Variants in CCDC181 observed in about 807,000 individuals in gnomAD.
CCDC181 encodes coiled-coil domain containing 181.
A neutral mutation model predicts 58.7 loss-of-function variants in CCDC181; 35 were observed. The observed-to-expected ratio is 0.60, with a 90% CI of 0.46 to 0.79. The LOEUF is 0.79. Ranked by LOEUF, CCDC181 falls within the 30% of genes least tolerant of loss-of-function variation. The pLI is 0.00. For synonymous variants in CCDC181, 183 were observed against 197.5 expected (o/e 0.93, Z 0.62); for missense variants, 517 against 583.9 (o/e 0.89, Z 1.18).
chr1:169,431,589 A>G (rs770467104), upstream of CCDC181, among the ~76,000 whole-genome samples: 2 of 152,188 alleles, frequency 1.3e-5, no homozygotes, highest in Non-Finnish European at 2.9e-5. Flanking sequence ...GAGTCTATTA[A>G]AGGCTTGCAA....
chr1:169,432,713 C>T (rs1489946769), intron 2 of CCDC181, among the ~76,000 whole-genome samples: 2 of 152,002 alleles, frequency 1.3e-5, no homozygotes, highest in Non-Finnish European at 2.9e-5. Context: ...AAAATCGATG[C>T]AGTATTCTAC....
chr1:169,453,118 A>G (rs1657588976), intron 2 of CCDC181, among the ~76,000 whole-genome samples: 1 of 152,088 alleles, frequency 6.6e-6, no homozygotes, highest in Non-Finnish European at 1.5e-5. Context: ...AGGAAGATGA[A>G]TCAGCAAAAT....
At chr1:169,451,085 C>A in intron 2 of CCDC181, 1 of 152,008 alleles carries the variant, frequency 6.6e-6, no homozygotes, top group East Asian at 1.9e-4. Flanking sequence ...TGTTGCTGGG[C>A]AGAATGAGTG....
rs983290986 is a variant in CCDC181 at position 169,414,255 on chromosome 1, A to C, written c.1215+4758T>G. ...ATATGAGGGACATTTCATAATGGGAAAAGGTCATTATCAGGAAGACATAAA... is the reference window on the plus strand; with the variant it reads ...ATATGAGGGACATTTCATAATGGGACAAGGTCATTATCAGGAAGACATAAA... On this transcript the variant is annotated intron_variant, in intron 4 of 5. Coordinates refer to ENST00000367806, the MANE Select transcript of CCDC181 (RefSeq NM_001300969.2). 1.6e-4 allele frequency among the ~76,000 whole-genome samples: 25 copies of C among 152,338 alleles called. No individual in the cohort carries two copies. In the South Asian group the frequency reaches 1.7e-3, roughly 10 times the overall value.
chr1:169,395,359 A>C (rs1308506850), intron 5 of CCDC181, among the ~76,000 whole-genome samples, 153 bp from the exon 6 acceptor site: 1 of 152,238 alleles, frequency 6.6e-6, no homozygotes, highest in Non-Finnish European at 1.5e-5. Flanking sequence ...GAAAAATGTA[A>C]AGATTACACC....
Position 169,421,429 on chromosome 1 carries a change from ACAGTATGTTGAAGT to A in CCDC181, c.988_1001del (p.Thr330SerfsTer39), listed in dbSNP as rs1454612555. 11 of 1,613,780 alleles carry A rather than the reference ACAGTATGTTGAAGT, an allele frequency of 6.8e-6. No homozygotes were observed. In the Middle Eastern group the frequency reaches 8.2e-4, roughly 121 times the overall value. The stretch of plus-strand genomic sequence containing the variant: ...GTAGTTCTTTCTGTCGAGGGGAAAG[ACAGTATGTTGAAGT>A]CACTGGTGAGATATGTGCAGACTGT... On this transcript the variant is annotated frameshift_variant, in exon 3 of 6. Coordinates refer to ENST00000367806, the MANE Select transcript of CCDC181 (RefSeq NM_001300969.2). LOFTEE classifies it high-confidence loss of function.
At chr1:169,406,018 T>C (rs968579472) in intron 4 of CCDC181, among the ~76,000 whole-genome samples, 3 of 152,212 alleles carry the variant, frequency 2.0e-5, no homozygotes, top group Admixed American at 6.5e-5. Flanking sequence ...AAAGAAGACA[T>C]TTATGCAGCC....
At position 169,426,521 on chromosome 1, in the gene CCDC181, G is replaced by A. The variant is rs151282055; in HGVS notation, c.-24+767C>T. ...TCCCTGAGTGTCTGGTAAATCCCAT[G>A]TGGATAGGTGAACTGCCGATCTTTC... is the stretch of plus-strand genomic sequence containing the variant. On this transcript the variant is annotated intron_variant, in intron 1 of 5. Coordinates refer to ENST00000367806, the MANE Select transcript of CCDC181 (RefSeq NM_001300969.2). Among the ~76,000 whole-genome samples, 73 of 152,346 alleles carry A rather than the reference G, an allele frequency of 4.8e-4. 1 individual carries two copies. The East Asian group carries it at 0.013, about 26-fold the overall frequency.
At chr1:169,424,505 T>C (rs546774124) in intron 2 of CCDC181, among the ~76,000 whole-genome samples, 4 of 151,974 alleles carry the variant, frequency 2.6e-5, no homozygotes, top group South Asian at 2.1e-4. Flanking sequence ...TTACTTTCGA[T>C]GCAATAAATC....
chr1:169,396,750 A>T (rs959910371), intron 5 of CCDC181, among the ~76,000 whole-genome samples: 3 of 152,156 alleles, frequency 2.0e-5, no homozygotes, highest in Non-Finnish European at 2.9e-5. Context: ...GGTTTGCCTT[A>T]AATTACCAAA....
Position 169,438,776 on chromosome 1 carries a change from A to C in CCDC181, c.-23-13826T>G, listed in dbSNP as rs575431851. Among the ~76,000 whole-genome samples the C allele has an allele frequency of 2.6e-5, 4 of 152,288 alleles. No individual in the cohort carries two copies. The South Asian group carries it at 8.3e-4, about 32-fold the overall frequency. ...GCCTGTTGAGCTTTCTTTAGGGATC[A>C]CCAAATGTGACCAGATAAATAAGGG... On this transcript the variant is annotated intron_variant, in intron 2 of 6. Transcript: ENST00000545005.
chr1:169,431,535 TTGCAC>T (rs1656919220), upstream of CCDC181, among the ~76,000 whole-genome samples: 1 of 152,180 alleles, frequency 6.6e-6, no homozygotes, highest in Admixed American at 6.5e-5. Context: ...GGAAAAACAA[TTGCAC>T]TGTCAAAACC....
Position 169,421,386 on chromosome 1 carries a change from T to G in CCDC181, c.1045A>C (p.Lys349Gln). Reference protein sequence around the residue: ...QKELQKQLEEKREKLKREEER... With the variant: ...QKELQKQLEEQREKLKREEER... ...ACCTCTCTTTTCAGTTTTTCTCTCT[T>G]TTCTTCTAGTTGTTTTTGTAGTTCT... Residue 349 changes from lysine to glutamine, a missense_variant, in exon 3 of 6, where the codon AAG (lysine) becomes CAG (glutamine). Coordinates refer to ENST00000367806, the MANE Select transcript of CCDC181 (RefSeq NM_001300969.2). 6.2e-7 allele frequency: 1 copy of G among 1,609,706 alleles called. No individual in the cohort carries two copies. Among genetic ancestry groups the G allele is most frequent in the Non-Finnish European group, 8.5e-7 (1 of 1,178,700 alleles).
chr1:169,434,417 A>C (rs1028783563), intron 2 of CCDC181, among the ~76,000 whole-genome samples: 1 of 152,050 alleles, frequency 6.6e-6, no homozygotes, highest in African/African-American at 2.4e-5. Flanking sequence ...ATGATCCAGC[A>C]ATCCCATTTC....
rs1297716378 is a variant in CCDC181, at chr1:169,424,815, A to G, written c.113T>C (p.Ile38Thr). 1.1e-5 allele frequency: 17 copies of G among 1,547,520 alleles called. No homozygotes were observed. The highest frequency in any genetic ancestry group is 1.4e-5 in the Non-Finnish European group (16 of 1,124,056). Residue 38 changes from isoleucine to threonine, a missense_variant, in exon 2 of 6, where the codon ATA becomes ACA. Transcript: ENST00000367806. ...NENEKSDASI[I>T]EMACEKEENI... is the part of the protein sequence containing the mutation. ...AATGCTGTTGGCAATATATACCTCTATTATGCTGGCATCACTTTTTTCATT... is the reference window on the plus strand; with the variant it reads ...AATGCTGTTGGCAATATATACCTCTGTTATGCTGGCATCACTTTTTTCATT...
At chr1:169,434,370 T>C (rs538306609) in intron 2 of CCDC181, among the ~76,000 whole-genome samples, 34 of 152,146 alleles carry the variant, frequency 2.2e-4, no homozygotes, top group Non-Finnish European at 5.9e-5. Context: ...GAAAACAGTA[T>C]GGCAATTCCT....
In CCDC181 at chr1:169,433,755, A is replaced by G. The variant is rs1656979464; in HGVS notation, c.-23-8805T>C. On this transcript the variant is annotated intron_variant, in intron 2 of 6. Transcript: ENST00000545005. ...TGCAAATGAATTAGGTTGGACCCTT[A>G]CCTCGCACCATATTCAAAAATAAAA... 2.0e-5 allele frequency among the ~76,000 whole-genome samples: 3 copies of G among 152,034 alleles called. No individual in the cohort carries two copies. In the South Asian group the frequency reaches 6.2e-4, roughly 31 times the overall value.
intron 2 of CCDC181, among the ~76,000 whole-genome samples, chr1:169,453,132 C>A (rs1657589533): frequency 6.6e-6 from 1 of 151,508 alleles, no homozygotes; most frequent in Non-Finnish European, 1.5e-5. Flanking sequence ...GCAAAATATG[C>A]ACTCTTTTAC....
intron 2 of CCDC181, among the ~76,000 whole-genome samples, chr1:169,439,259 C>A (rs1157423930): frequency 6.6e-6 from 1 of 151,524 alleles, no homozygotes; most frequent in Admixed American, 6.6e-5. Context: ...ACTCACCAAC[C>A]CAGACACCCC....
Sources: gnomAD v4.1 joint callset for allele counts (sites outside exome capture counted in the v4.1 genomes callset) on GRCh38, gnomAD v4.1.1 for gene constraint, MANE v1.5 for transcripts, NCBI Gene and HGNC (gene_info 2026-07-23, HGNC 2026-07-21) for gene names.